ROCK2: variants seen among roughly 807,000 people sequenced by gnomAD.
The protein encoded by ROCK2 is Rho associated coiled-coil containing protein kinase 2.
In ROCK2, 61 loss-of-function variants were observed where a neutral mutation model predicts 195.1. That is an observed-to-expected ratio of 0.31 (90% CI 0.25 to 0.39). The LOEUF (loss-of-function observed/expected upper bound fraction) is 0.39, where lower values mean the gene tolerates loss of function less well. Among genes scored for constraint, ROCK2 ranks in the 10% least tolerant of loss-of-function variants. ROCK2 has a pLI of 1.00. For missense variants in ROCK2, 1,109 were observed against 1,637.4 expected, an observed-to-expected ratio of 0.68 and a Z score of 5.57; for synonymous variants, 504 against 545.5, an observed-to-expected ratio of 0.92 and a Z score of 1.06.
At chr2:11,335,081 T>C (rs1487480503) in intron 1 of ROCK2, among the ~76,000 whole-genome samples, 3 of 149,810 alleles carry the variant, frequency 2.0e-5, no homozygotes, top group African/African-American at 7.4e-5. Flanking sequence ...GAACTAAAAA[T>C]GAATCCAAAT....
In ROCK2 at chr2:11,181,631, C is replaced by CTTTTTTTTTTTT. The variant is rs397817126; in HGVS notation, c.*1794_*1805dup. ...TTTCCTTCATCGAAATATTAGATGACTTTTTTTTTTTTTTTTTTTTGAGAC... is the reference window on the plus strand; with the variant it reads ...TTTCCTTCATCGAAATATTAGATGACTTTTTTTTTTTTTTTTTTTTTTTTTTTTTTTTGAGAC... On this transcript the variant is annotated 3_prime_UTR_variant, in exon 33 of 33. Transcript: ENST00000315872. The CTTTTTTTTTTTT allele has an allele frequency of 3.1e-5, 4 of 130,112 alleles. No individual in the cohort carries two copies. Among genetic ancestry groups the CTTTTTTTTTTTT allele is most frequent in the Non-Finnish European group, 6.5e-5 (4 of 61,466 alleles). The allele number at this position is 130,112 out of a possible 1,614,324, so 8.1% of individuals were successfully genotyped here. A position where few individuals can be genotyped will look rare whatever the true frequency, so the allele number is the denominator to read the frequency against.
chr2:11,268,210 C>T (rs1446798458), intron 3 of ROCK2, among the ~76,000 whole-genome samples: 2 of 152,038 alleles, frequency 1.3e-5, no homozygotes, highest in Non-Finnish European at 2.9e-5. Flanking sequence ...GGTAGGAAAC[C>T]TGAGCTGTAA....
intron 1 of ROCK2, among the ~76,000 whole-genome samples, chr2:11,305,187 C>A (rs899390365): frequency 2.0e-5 from 3 of 152,062 alleles, no homozygotes; most frequent in Non-Finnish European, 4.4e-5. Context: ...ACCAGCCTGG[C>A]CAGCATGGCG....
At chr2:11,258,299 C>T (rs1379283131) in intron 3 of ROCK2, among the ~76,000 whole-genome samples, 2 of 151,438 alleles carry the variant, frequency 1.3e-5, no homozygotes, top group African/African-American at 4.9e-5. Flanking sequence ...TCCCAAACTT[C>T]ATGCATTAGA....
chr2:11,186,564 G>C (rs998371064), intron 32 of ROCK2, among the ~76,000 whole-genome samples: 6 of 152,098 alleles, frequency 3.9e-5, no homozygotes, highest in African/African-American at 1.4e-4. Flanking sequence ...ACTCAGTTCA[G>C]GATCTCATTA....
intron 3 of ROCK2, among the ~76,000 whole-genome samples, chr2:11,271,575 A>C (rs1666630339): frequency 2.0e-5 from 3 of 152,134 alleles, no homozygotes; most frequent in African/African-American, 7.2e-5. Flanking sequence ...CAGTCTCTTC[A>C]GCATTTTATT....
At chr2:11,187,075 A>T (rs898718215) in intron 32 of ROCK2, among the ~76,000 whole-genome samples, 2 of 152,158 alleles carry the variant, frequency 1.3e-5, no homozygotes, top group African/African-American at 2.4e-5. Flanking sequence ...CCAGCAGTCC[A>T]CAAAAGTACC....
chr2:11,296,205 T>C (rs1055597806), intron 1 of ROCK2, among the ~76,000 whole-genome samples: 1 of 152,032 alleles, frequency 6.6e-6, no homozygotes, highest in Non-Finnish European at 1.5e-5. Flanking sequence ...AAAGCAACAT[T>C]TGTCTGTAAA....
intron 1 of ROCK2, among the ~76,000 whole-genome samples, chr2:11,332,016 A>G (rs1901011): frequency 0.78 from 117,816 of 151,922 alleles, 47,870 homozygotes; most frequent in East Asian, 0.94. Context: ...AGTGGCATGC[A>G]CCTGTAGTCC....
At chr2:11,268,521 A>AATGT (rs1558343608) in intron 3 of ROCK2, among the ~76,000 whole-genome samples, 2 of 73,764 alleles carry the variant, frequency 2.7e-5, no homozygotes, top group Non-Finnish European at 5.7e-5. Flanking sequence ...ACAGTTTTGC[A>AATGT]CTGTGTGTGT....
intron 23 of ROCK2, among the ~76,000 whole-genome samples, chr2:11,199,375 C>T (rs927285219): frequency 2.0e-5 from 3 of 151,146 alleles, no homozygotes; most frequent in African/African-American, 4.9e-5. Flanking sequence ...AGTGCAATGG[C>T]GTGCGATCAC....
chr2:11,262,703 G>GT (rs1666276191), intron 3 of ROCK2, among the ~76,000 whole-genome samples: 2 of 152,140 alleles, frequency 1.3e-5, no homozygotes, highest in Non-Finnish European at 2.9e-5. Context: ...ACGTGGAACT[G>GT]TAAGTCCAAT....
chr2:11,268,278 G>C lies in ROCK2; in HGVS notation c.324+18261C>G, dbSNP rs553918425. Among the ~76,000 whole-genome samples the C allele has an allele frequency of 2.6e-5, 4 of 152,240 alleles. No individual in the cohort carries two copies. The East Asian group carries it at 7.7e-4, about 29-fold the overall frequency. ...AGTCAGAAAATTAAAAACTTTGAAAGGGACCCAGTTATAGGTGAGACCCCA... is the reference window on the plus strand; with the variant it reads ...AGTCAGAAAATTAAAAACTTTGAAACGGACCCAGTTATAGGTGAGACCCCA... On this transcript the variant is annotated intron_variant, in intron 3 of 32. Coordinates refer to ENST00000315872, the MANE Select transcript of ROCK2 (RefSeq NM_004850.5).
rs1361368442 is a variant in ROCK2 at position 11,183,037 on chromosome 2, T to C, written c.*400A>G. 1.2e-5 allele frequency: 2 copies of C among 163,964 alleles called. No individual in the cohort carries two copies. Among genetic ancestry groups the C allele is most frequent in the African/African-American group, 4.8e-5 (2 of 41,742 alleles). 10.2% of individuals were successfully genotyped at this position (163,964 alleles called of 1,614,324 possible). A position where few individuals can be genotyped will look rare whatever the true frequency, so the allele number is the denominator to read the frequency against. On this transcript the variant is annotated 3_prime_UTR_variant, in exon 33 of 33. Coordinates refer to ENST00000315872, the MANE Select transcript of ROCK2 (RefSeq NM_004850.5). ...TTCTTAAAGATGCAGTCAATATCAC[T>C]GTAGTGGAATCCATTCCCAGATTCT...
At chr2:11,290,677 A>G (rs1436774105) in intron 1 of ROCK2, among the ~76,000 whole-genome samples, 2 of 152,114 alleles carry the variant, frequency 1.3e-5, no homozygotes. Flanking sequence ...GCTAAAAGTC[A>G]CAGAGGTCTA....
intron 20 of ROCK2, among the ~76,000 whole-genome samples, chr2:11,207,454 C>G (rs976045248): frequency 6.6e-6 from 1 of 152,172 alleles, no homozygotes; most frequent in African/African-American, 2.4e-5. Flanking sequence ...AATCTAAAAG[C>G]ATGGTATGAA....
rs1027171005 is a variant in ROCK2 at position 11,236,630 on chromosome 2, A to G, written c.463-668T>C. Among the ~76,000 whole-genome samples, 3 of 152,328 alleles carry G rather than the reference A, an allele frequency of 2.0e-5. No individual in the cohort carries two copies. In the East Asian group the frequency reaches 5.8e-4, roughly 29 times the overall value. ...CCCCCCAAACAGACAGAGAAACCAC[A>G]ATGTCTGAAGAAAACCTATCTGTAC... is the stretch of plus-strand genomic sequence containing the variant. On this transcript the variant is annotated intron_variant, in intron 4 of 32. Transcript: ENST00000315872.
At chr2:11,336,081 C>T (rs1668919968) in intron 1 of ROCK2, among the ~76,000 whole-genome samples, 1 of 152,128 alleles carries the variant, frequency 6.6e-6, no homozygotes, top group Non-Finnish European at 1.5e-5. Flanking sequence ...TAGATAAGTG[C>T]TATTAGCATT....
chr2:11,236,282 A>G (rs369848902), intron 4 of ROCK2, among the ~76,000 whole-genome samples: 13 of 152,314 alleles, frequency 8.5e-5, no homozygotes, highest in Admixed American at 7.2e-4. Context: ...AGGTGAAAGA[A>G]TGACAGAAGA....
Sources: allele counts gnomAD v4.1 joint callset (sites outside exome capture counted in the v4.1 genomes callset), GRCh38; gene constraint gnomAD v4.1.1; transcripts MANE v1.5; gene names NCBI Gene and HGNC (gene_info 2026-07-23, HGNC 2026-07-21).